The following ANXA13 variants were observed in gnomAD, a reference collection of about 807,000 sequenced individuals.
ANXA13 encodes annexin A13, also known as annexin XIII.
Under a neutral mutation model 46.6 loss-of-function variants are expected in ANXA13, and 36 were observed. The observed-to-expected ratio is 0.77, with a 90% CI of 0.59 to 1.02. The LOEUF (loss-of-function observed/expected upper bound fraction) is 1.02, where lower values mean the gene tolerates loss of function less well. Ranked by LOEUF, ANXA13 falls within the 50% of genes least tolerant of loss-of-function variation. The probability of loss-of-function intolerance (pLI) is 0.00; values close to 1 mark genes in which losing one functional copy is unlikely to be tolerated. For synonymous variants in ANXA13, 163 were observed against 152.9 expected (o/e 1.07, Z -0.49); for missense variants, 417 against 396.5 (o/e 1.05, Z -0.44).
chr8:123,689,075 C>T (rs1203233294), intron 8 of ANXA13, 129 bp from the exon 9 acceptor site: 6 of 801,670 alleles, frequency 7.5e-6, no homozygotes, highest in African/African-American at 6.8e-5. Flanking sequence ...GAACTGCTAT[C>T]CTGACTCTTG....
chr8:123,685,518 G>T (rs1323306213), intron 9 of ANXA13, among the ~76,000 whole-genome samples: 1 of 152,098 alleles, frequency 6.6e-6, no homozygotes, highest in African/African-American at 2.4e-5. Flanking sequence ...TGCCCTTTAG[G>T]CTGTTAACAT....
chr8:123,735,766 C>T, intron 1 of ANXA13: 1 of 1,611,210 alleles, frequency 6.2e-7, no homozygotes, highest in Non-Finnish European at 8.5e-7. Context: ...GGCTGTGGGG[C>T]CTCTGGCTCT....
intron 8 of ANXA13, among the ~76,000 whole-genome samples, chr8:123,692,044 C>T (rs879702199): frequency 1.1e-4 from 17 of 152,098 alleles, no homozygotes; most frequent in Non-Finnish European, 2.1e-4. Flanking sequence ...ACTCTGGGCA[C>T]GATTTGAAAG....
intron 2 of ANXA13, among the ~76,000 whole-genome samples, chr8:123,704,547 C>T (rs971528007): frequency 6.6e-6 from 1 of 152,112 alleles, no homozygotes; most frequent in African/African-American, 2.4e-5. Context: ...CAGGCACCCA[C>T]CACCATGCCC....
At chr8:123,688,075 AGG>A (rs1813171701) in intron 9 of ANXA13, among the ~76,000 whole-genome samples, 1 of 152,224 alleles carries the variant, frequency 6.6e-6, no homozygotes, top group Non-Finnish European at 1.5e-5. Context: ...AGGTGCCCTC[AGG>A]GACCCATGGT....
At chr8:123,722,342 A>AAAAGAAAAG (rs774963834) in intron 1 of ANXA13, among the ~76,000 whole-genome samples, 23 of 136,856 alleles carry the variant, frequency 1.7e-4, no homozygotes, top group Non-Finnish European at 2.8e-4. Context: ...GAAAGAAAAG[A>AAAAGAAAAG]AAAGAAAGAA....
intron 9 of ANXA13, among the ~76,000 whole-genome samples, chr8:123,687,048 T>A (rs1490492031): frequency 1.3e-5 from 2 of 152,192 alleles, no homozygotes; most frequent in African/African-American, 4.8e-5. Context: ...TCTTTAGCCT[T>A]ATCTGTTGAT....
At chr8:123,700,196 A>G (rs1253867482) in intron 3 of ANXA13, among the ~76,000 whole-genome samples, 1 of 152,182 alleles carries the variant, frequency 6.6e-6, no homozygotes, top group Non-Finnish European at 1.5e-5. Flanking sequence ...TCAGTACTCT[A>G]TGGTGTGGAG....
intron 2 of ANXA13, among the ~76,000 whole-genome samples, chr8:123,705,334 A>AC (rs1401573612): frequency 6.6e-6 from 1 of 152,130 alleles, no homozygotes. Flanking sequence ...TACTTTAAAT[A>AC]CCTTTAGTGA....
At chr8:123,732,167 CCT>C (rs776450599) in intron 1 of ANXA13, among the ~76,000 whole-genome samples, 2 of 152,176 alleles carry the variant, frequency 1.3e-5, no homozygotes, top group Non-Finnish European at 2.9e-5. Context: ...CTGTGCTTGA[CCT>C]CTTACTAGCT....
chr8:123,698,215 G>A (rs1004755991), intron 4 of ANXA13, among the ~76,000 whole-genome samples, 174 bp downstream of exon 4: 1 of 152,230 alleles, frequency 6.6e-6, no homozygotes, highest in Non-Finnish European at 1.5e-5. Context: ...CACCAAGACT[G>A]ACCTCTGGAA....
rs564347538 is a variant in ANXA13, at chr8:123,723,437, G to A, written c.16-10684C>T. Among the ~76,000 whole-genome samples the A allele has an allele frequency of 7.0e-4, 107 of 152,304 alleles. 1 individual carries two copies. In the South Asian group the frequency reaches 0.022, roughly 31 times the overall value. On this transcript the variant is annotated intron_variant, in intron 1 of 10. Transcript: ENST00000419625. ...CTGTTTGATTGCCCAGGACATAGGGGTTCCCTGGAATGTGGGTCTTTAAGT... is the reference window on the plus strand; with the variant it reads ...CTGTTTGATTGCCCAGGACATAGGGATTCCCTGGAATGTGGGTCTTTAAGT...
chr8:123,716,112 G>A (rs1030904875), intron 1 of ANXA13, among the ~76,000 whole-genome samples: 6 of 152,072 alleles, frequency 3.9e-5, no homozygotes, highest in South Asian at 4.1e-4. Flanking sequence ...TTGAGACAGG[G>A]TCTCACTCTG....
At chr8:123,736,277 T>A (rs1814266172) in intron 1 of ANXA13, among the ~76,000 whole-genome samples, 1 of 152,222 alleles carries the variant, frequency 6.6e-6, no homozygotes, top group African/African-American at 2.4e-5. Context: ...ATGAAATATA[T>A]CATTCTTGCT....
intron 9 of ANXA13, among the ~76,000 whole-genome samples, chr8:123,687,191 T>G (rs987902795): frequency 2.0e-5 from 3 of 152,124 alleles, no homozygotes; most frequent in Non-Finnish European, 4.4e-5. Context: ...GTTAAATCAT[T>G]GAATAGTTTT....
chr8:123,716,242 C>A (rs1048628344), intron 1 of ANXA13, among the ~76,000 whole-genome samples: 2 of 152,126 alleles, frequency 1.3e-5, no homozygotes, highest in South Asian at 2.1e-4. Context: ...TGTGCCACCA[C>A]GCCTGGCTAA....
chr8:123,720,809 CT>C (rs1273385589), intron 1 of ANXA13, among the ~76,000 whole-genome samples: 3 of 152,080 alleles, frequency 2.0e-5, no homozygotes, highest in African/African-American at 4.8e-5. Flanking sequence ...TCTTGAACTC[CT>C]GGGCTCAAGC....
At position 123,681,116 on chromosome 8, in the gene ANXA13, C is replaced by T; in HGVS notation, c.*124G>A. 1 of 1,347,698 alleles carries T rather than the reference C, an allele frequency of 7.4e-7. No individual in the cohort carries two copies. Among genetic ancestry groups the T allele is most frequent in the Non-Finnish European group, 9.9e-7 (1 of 1,007,572 alleles). The allele number at this position is 1,347,698 out of a possible 1,614,324, so 83.5% of individuals were successfully genotyped here. On this transcript the variant is annotated 3_prime_UTR_variant, in exon 11 of 11. Coordinates refer to ENST00000419625, the MANE Select transcript of ANXA13 (RefSeq NM_004306.4). ...GCTTGGCCTGGCTGCGCCACTTAAGCTGCCAAGAAAGTAATCCGGGACTCT... is the reference window on the plus strand; with the variant it reads ...GCTTGGCCTGGCTGCGCCACTTAAGTTGCCAAGAAAGTAATCCGGGACTCT...
chr8:123,733,075 A>T (rs981594528), intron 1 of ANXA13, among the ~76,000 whole-genome samples: 1 of 152,026 alleles, frequency 6.6e-6, no homozygotes, highest in Non-Finnish European at 1.5e-5. Context: ...AGGTAAAAGG[A>T]TTGCTTGAAC....
Sources: allele counts gnomAD v4.1 joint callset (sites outside exome capture counted in the v4.1 genomes callset), GRCh38; gene constraint gnomAD v4.1.1; transcripts MANE v1.5; gene names NCBI Gene and HGNC (gene_info 2026-07-23, HGNC 2026-07-21).